The following CABLES1 variants were observed in gnomAD, a reference collection of about 807,000 sequenced individuals.
CABLES1 encodes CDK5 and ABL1 enzyme substrate 1.
Under a neutral mutation model 57.8 loss-of-function variants are expected in CABLES1, and 36 were observed. That is an observed-to-expected ratio of 0.62 (90% CI 0.48 to 0.82). The LOEUF (loss-of-function observed/expected upper bound fraction) is 0.82. CABLES1 is among the 40% of genes least tolerant of loss of function. The pLI is 0.00. For missense variants in CABLES1, 767 were observed against 836.6 expected (o/e 0.92, Z 1.03); for synonymous variants, 374 against 363.0 (o/e 1.03, Z -0.35).
intron 4 of CABLES1, among the ~76,000 whole-genome samples, chr18:23,232,094 T>C (rs189323695): frequency 7.1e-4 from 108 of 152,328 alleles, no homozygotes; most frequent in African/African-American, 2.4e-3. Context: ...AGACAGGATA[T>C]GAAAATGGAC....
At chr18:23,185,794 T>G (rs943017361) in intron 1 of CABLES1, among the ~76,000 whole-genome samples, 1 of 152,224 alleles carries the variant, frequency 6.6e-6, no homozygotes, top group African/African-American at 2.4e-5. Context: ...GCCTATACAT[T>G]TATTTCTGCC....
At chr18:23,219,262 A>G (rs531418235) in intron 4 of CABLES1, 1 of 454,174 alleles carries the variant, frequency 2.2e-6, no homozygotes, top group African/African-American at 2.0e-5. Context: ...CTGTCTGAGT[A>G]GGAGACGGGA....
At chr18:23,208,926 C>G (rs1262242363) in intron 3 of CABLES1, among the ~76,000 whole-genome samples, 2 of 152,190 alleles carry the variant, frequency 1.3e-5, no homozygotes, top group African/African-American at 4.8e-5. Flanking sequence ...TCCCTTCGTG[C>G]ATGTGTAGGT....
At chr18:23,206,785 C>T (rs1339100484) in intron 3 of CABLES1, among the ~76,000 whole-genome samples, 3 of 147,704 alleles carry the variant, frequency 2.0e-5, no homozygotes, top group Non-Finnish European at 4.5e-5. Flanking sequence ...AACAGCATTT[C>T]TGTTCATTTT....
intron 4 of CABLES1, among the ~76,000 whole-genome samples, chr18:23,228,174 TTCTTGTTATCTAA>T (rs1257594997): frequency 2.6e-5 from 4 of 152,238 alleles, no homozygotes; most frequent in Non-Finnish European, 4.4e-5. Context: ...TAGCTTGAAC[TTCTTGTTATCTAA>T]TAGGGAATCT....
intron 1 of CABLES1, among the ~76,000 whole-genome samples, chr18:23,159,008 C>G (rs558827945): frequency 6.6e-6 from 1 of 152,252 alleles, no homozygotes; most frequent in Admixed American, 6.5e-5. Context: ...GTTCAGTTGC[C>G]CAGGCTTGAG....
At chr18:23,147,709 A>G (rs1336303478) in intron 1 of CABLES1, among the ~76,000 whole-genome samples, 4 of 152,180 alleles carry the variant, frequency 2.6e-5, no homozygotes, top group Non-Finnish European at 5.9e-5. Flanking sequence ...GACAATTTCT[A>G]TTGCCAAAAT....
At chr18:23,187,384 G>C (rs147150635) in intron 1 of CABLES1, among the ~76,000 whole-genome samples, 6 of 152,292 alleles carry the variant, frequency 3.9e-5, no homozygotes, top group Non-Finnish European at 7.4e-5. Context: ...AGACAAGGAG[G>C]CTGTATGATG....
rs2047278917 is a variant in CABLES1, at chr18:23,195,874, G to A, written c.1010+1334G>A. On this transcript the variant is annotated intron_variant, in intron 3 of 9. Coordinates refer to ENST00000256925, the MANE Select transcript of CABLES1 (RefSeq NM_001100619.3). ...TACAGAGCTTACTCATGCCATTTTA[G>A]TGTAATTATCTACCATTGGTTTACA... Among the ~76,000 whole-genome samples the A allele has an allele frequency of 2.6e-5, 4 of 152,158 alleles. No individual in the cohort carries two copies. In the South Asian group the frequency reaches 8.3e-4, roughly 32 times the overall value.
In CABLES1 at chr18:23,135,572, GC is replaced by G; in HGVS notation, c.-190del. On this transcript the variant is annotated 5_prime_UTR_variant, in exon 1 of 10. Coordinates refer to ENST00000256925, the MANE Select transcript of CABLES1 (RefSeq NM_001100619.3). ...TAGCGAGGCGTGCGCGTGGGCCGGG[GC>G]GGCGGCGCCCCCATCCCCAGCACCG... 4.9e-6 allele frequency: 1 copy of G among 205,872 alleles called. No individual in the cohort carries two copies. The highest frequency in any genetic ancestry group is 8.5e-6 in the Non-Finnish European group (1 of 117,878). The allele number at this position is 205,872 out of a possible 1,614,324, so 12.8% of individuals were successfully genotyped here.
rs948815650 is a variant in CABLES1, at chr18:23,251,963, G to A, written c.1447-997G>A. 4.6e-5 allele frequency among the ~76,000 whole-genome samples: 7 copies of A among 152,050 alleles called. No homozygotes were observed. The South Asian group carries it at 1.0e-3, about 23-fold the overall frequency. On this transcript the variant is annotated intron_variant, in intron 7 of 9. Transcript: ENST00000256925. ...TAGCTGGGTGTGATGGTGGGCGCCT[G>A]TATTTCCAGCTACTCAGGAAGCTGA...
chr18:23,177,324 A>G (rs911099531), intron 1 of CABLES1, among the ~76,000 whole-genome samples: 3 of 150,920 alleles, frequency 2.0e-5, no homozygotes, highest in Non-Finnish European at 3.0e-5. Context: ...TGCACCACAC[A>G]CTTGCTCACC....
intron 1 of CABLES1, among the ~76,000 whole-genome samples, chr18:23,147,292 A>G (rs989598682): frequency 6.6e-6 from 1 of 152,256 alleles, no homozygotes; most frequent in African/African-American, 2.4e-5. Flanking sequence ...GGAGCTCCAT[A>G]GCTCTGCCGC....
At chr18:23,243,467 T>A in intron 7 of CABLES1, among the ~76,000 whole-genome samples, 1 of 138,354 alleles carries the variant, frequency 7.2e-6, no homozygotes, top group African/African-American at 2.7e-5. Flanking sequence ...GTGGGTTTGG[T>A]GTTTTTTTTT....
At chr18:23,246,610 C>A (rs574086896) in intron 7 of CABLES1, among the ~76,000 whole-genome samples, 2 of 151,742 alleles carry the variant, frequency 1.3e-5, no homozygotes, top group Non-Finnish European at 2.9e-5. Flanking sequence ...CCAGGATGGT[C>A]TCGATCTCCT....
intron 5 of CABLES1, among the ~76,000 whole-genome samples, chr18:23,234,962 TCA>T (rs529260656): frequency 6.6e-6 from 1 of 152,194 alleles, no homozygotes; most frequent in Non-Finnish European, 1.5e-5. Flanking sequence ...TTTGAGTACC[TCA>T]CACACAGACA....
At chr18:23,214,918 C>A (rs906758590) in intron 4 of CABLES1, among the ~76,000 whole-genome samples, 1 of 152,206 alleles carries the variant, frequency 6.6e-6, no homozygotes, top group African/African-American at 2.4e-5. Context: ...CCTTCCTGCT[C>A]ACCATGACCT....
At chr18:23,222,051 C>G (rs1346320532) in intron 4 of CABLES1, among the ~76,000 whole-genome samples, 1 of 152,160 alleles carries the variant, frequency 6.6e-6, no homozygotes, top group Non-Finnish European at 1.5e-5. Flanking sequence ...TTTCCAAAGC[C>G]CAGGAGCTCT....
At chr18:23,251,569 T>C (rs1219243072) in intron 7 of CABLES1, among the ~76,000 whole-genome samples, 8 of 152,244 alleles carry the variant, frequency 5.3e-5, no homozygotes, top group African/African-American at 1.7e-4. Context: ...ATTGTTTAAT[T>C]CAGAGTTCAC....
Sources: allele counts gnomAD v4.1 joint callset (sites outside exome capture counted in the v4.1 genomes callset), GRCh38; gene constraint gnomAD v4.1.1; transcripts MANE v1.5; gene names NCBI Gene and HGNC (gene_info 2026-07-23, HGNC 2026-07-21).